DMD: variants seen among roughly 807,000 people sequenced by gnomAD.
The protein encoded by DMD is mutant dystrophin.
DMD carries 63 observed loss-of-function variants against 330.1 expected under a neutral mutation model. The observed-to-expected ratio is 0.19, with a 90% CI of 0.16 to 0.24. DMD has a LOEUF of 0.24. DMD is among the 10% of genes least tolerant of loss of function. The pLI, the probability that DMD is intolerant of heterozygous loss-of-function variation, is 1.00. For missense variants in DMD, 3,344 were observed against 2,684.1 expected, an observed-to-expected ratio of 1.25 and a Z score of -5.43; for synonymous variants, 1,223 against 959.8, an observed-to-expected ratio of 1.27 and a Z score of -5.07.
Position 32,644,202 on chromosome X carries a change from G to C in DMD, c.1261C>G (p.Gln421Glu), listed in dbSNP as rs398123852. The C allele has an allele frequency of 1.7e-6, 2 of 1,209,702 alleles. No individual in the cohort carries two copies. The highest frequency in any genetic ancestry group is 2.2e-6 in the Non-Finnish European group (2 of 893,993). Residue 421 changes from glutamine (Q) to glutamate (E), a missense_variant, in exon 11 of 79, where the codon CAA becomes GAA. By Grantham distance (29) the Gln-to-Glu change is conservative. Coordinates refer to ENST00000357033, the MANE Select transcript of DMD (RefSeq NM_004006.3). ...GAATTTAGGAGATTCATCTGCTCTT[G>C]TACTTCAGTTTCTTCATCTTCTGAT... The part of the protein sequence containing the change: ...KLSEDEETEV[Q>E]EQMNLLNSRW...
At chrX:32,408,652 G>C (rs1221007811) in intron 30 of DMD, among the ~76,000 whole-genome samples, 1 of 111,714 alleles carries the variant, frequency 9.0e-6, no homozygotes, top group South Asian at 3.7e-4. Flanking sequence ...GTATTTCAAA[G>C]AGGACTTAAT....
chrX:32,468,457 A>G, intron 23 of DMD, 41 bp downstream of exon 23: 1 of 1,103,248 alleles, frequency 9.1e-7, no homozygotes, highest in Non-Finnish European at 1.2e-6. Context: ...GGAAAAAACA[A>G]GTAAATAAAA....
chrX:32,043,742 G>A (rs1197332115), intron 44 of DMD, among the ~76,000 whole-genome samples: 8 of 111,726 alleles, frequency 7.2e-5, no homozygotes, highest in Admixed American at 6.6e-4. Flanking sequence ...TAATAGTGAT[G>A]CAATAAACCA....
At chrX:31,506,588 T>C (rs1193329280) in intron 56 of DMD, among the ~76,000 whole-genome samples, 1 of 112,421 alleles carries the variant, frequency 8.9e-6, no homozygotes, top group Non-Finnish European at 1.9e-5. Context: ...GCAAAACTGG[T>C]ATAACAAGAA....
chrX:32,502,448 A>G (rs1385979757), intron 18 of DMD, among the ~76,000 whole-genome samples: 1 of 111,808 alleles, frequency 8.9e-6, no homozygotes, highest in African/African-American at 3.2e-5. Context: ...TTCCCTTAAG[A>G]GTTACATTTT....
intron 2 of DMD, among the ~76,000 whole-genome samples, chrX:33,016,929 T>A (rs1050295351): frequency 6.2e-5 from 7 of 112,159 alleles, no homozygotes; most frequent in African/African-American, 2.3e-4. Flanking sequence ...ACGAGGCTTT[T>A]TAAAGGATTA....
intron 55 of DMD, among the ~76,000 whole-genome samples, chrX:31,535,532 A>T (rs1291825446): frequency 1.0e-5 from 1 of 97,682 alleles, no homozygotes; most frequent in Non-Finnish European, 2.1e-5. Context: ...AACCATAAAA[A>T]CCCTAGAAGA....
At chrX:31,199,236 CA>C (rs1289265415) in intron 67 of DMD, among the ~76,000 whole-genome samples, 1 of 94,438 alleles carries the variant, frequency 1.1e-5, no homozygotes, top group Non-Finnish European at 2.1e-5. Context: ...GAGAAAGGAA[CA>C]AGCTGGCAAT....
At chrX:32,851,819 G>T (rs1315755980) in intron 2 of DMD, among the ~76,000 whole-genome samples, 1 of 111,810 alleles carries the variant, frequency 8.9e-6, no homozygotes, top group African/African-American at 3.3e-5. Flanking sequence ...AAGCAACACA[G>T]GGCAGAATTC....
intron 74 of DMD, among the ~76,000 whole-genome samples, chrX:31,169,197 TACC>T (rs775323754): frequency 9.0e-6 from 1 of 110,599 alleles, no homozygotes; most frequent in African/African-American, 3.3e-5. Flanking sequence ...ACAAGTCAAA[TACC>T]ACCATCAGCA....
At chrX:31,490,463 G>A (rs773254642) in intron 57 of DMD, among the ~76,000 whole-genome samples, 2 of 111,816 alleles carry the variant, frequency 1.8e-5, no homozygotes, top group African/African-American at 6.5e-5. Context: ...GGCAGGAGAA[G>A]GAGAATGGCG....
intron 2 of DMD, among the ~76,000 whole-genome samples, chrX:32,921,192 G>A (rs746887532): frequency 1.2e-4 from 13 of 111,619 alleles, no homozygotes; most frequent in Admixed American, 2.9e-4. Flanking sequence ...GTGATAAATC[G>A]AATAAGTTGG....
chrX:33,018,469 T>A (rs1238709379), intron 2 of DMD, among the ~76,000 whole-genome samples: 1 of 111,930 alleles, frequency 8.9e-6, no homozygotes, highest in African/African-American at 3.2e-5. Context: ...GGATTGGATA[T>A]CAAGCTTTGA....
intron 1 of DMD, among the ~76,000 whole-genome samples, chrX:33,061,118 A>G (rs1191179300): frequency 8.9e-6 from 1 of 112,268 alleles, no homozygotes; most frequent in African/African-American, 3.2e-5. Context: ...TAAATTATAC[A>G]TTTAAGAGGA....
At chrX:31,622,649 C>T (rs1443994377) in intron 55 of DMD, among the ~76,000 whole-genome samples, 1 of 108,573 alleles carries the variant, frequency 9.2e-6, no homozygotes, top group Non-Finnish European at 1.9e-5. Flanking sequence ...CTCACCAGGC[C>T]CTGATCTTGG....
chrX:33,130,513 A>C (rs1185772594), intron 1 of DMD, among the ~76,000 whole-genome samples: 2 of 109,182 alleles, frequency 1.8e-5, no homozygotes, highest in African/African-American at 6.7e-5. Flanking sequence ...AGTGTAAAAA[A>C]AGGTTCACAG....
intron 1 of DMD, among the ~76,000 whole-genome samples, chrX:33,081,007 C>CACACACAAA (rs1441153335): frequency 1.0e-5 from 1 of 97,999 alleles, no homozygotes; most frequent in African/African-American, 4.1e-5. Context: ...CACACACACA[C>CACACACAAA]AAAAACACAT....
intron 30 of DMD, among the ~76,000 whole-genome samples, chrX:32,392,511 C>T (rs768966016): frequency 8.1e-5 from 9 of 111,339 alleles, no homozygotes; most frequent in Non-Finnish European, 1.5e-4. Flanking sequence ...CCACCTGCCT[C>T]GGCTTCCCAA....
chrX:32,907,644 C>T (rs746744010), intron 2 of DMD, among the ~76,000 whole-genome samples: 12 of 111,697 alleles, frequency 1.1e-4, no homozygotes, highest in Non-Finnish European at 2.1e-4. Context: ...GAGAGTGGAA[C>T]ACAAAGGAAT....
Sources: allele counts gnomAD v4.1 joint callset (sites outside exome capture counted in the v4.1 genomes callset), GRCh38; gene constraint gnomAD v4.1.1; transcripts MANE v1.5; gene names NCBI Gene and HGNC (gene_info 2026-07-23, HGNC 2026-07-21).